The following ALK variants were observed in gnomAD, a reference collection of about 807,000 sequenced individuals.
ALK encodes ALK tyrosine kinase receptor.
ALK carries 74 observed loss-of-function variants against 163.1 expected under a neutral mutation model. The ratio of observed to expected loss-of-function variants is 0.45; its 90% CI spans 0.38 to 0.55. ALK has a LOEUF of 0.55. Ranked by LOEUF, ALK falls within the 20% of genes least tolerant of loss-of-function variation. The pLI, the probability that ALK is intolerant of heterozygous loss-of-function variation, is 0.00. For missense variants in ALK, 2,063 were observed against 2,105.3 expected, an observed-to-expected ratio of 0.98 and a Z score of 0.39; for synonymous variants, 960 against 843.2, an observed-to-expected ratio of 1.14 and a Z score of -2.40.
At chr2:29,236,163 C>T (rs1293827210) in intron 13 of ALK, among the ~76,000 whole-genome samples, 1 of 152,006 alleles carries the variant, frequency 6.6e-6, no homozygotes, top group African/African-American at 2.4e-5. Flanking sequence ...CTTGACAGCT[C>T]TGTTGGAGAT....
At chr2:29,375,543 T>G (rs984299530) in intron 5 of ALK, among the ~76,000 whole-genome samples, 6 of 152,126 alleles carry the variant, frequency 3.9e-5, no homozygotes, top group African/African-American at 1.4e-4. Flanking sequence ...GGTCTTGATC[T>G]CCTGACCTCG....
At chr2:29,786,867 T>C (rs1194567847) in intron 1 of ALK, among the ~76,000 whole-genome samples, 1 of 152,124 alleles carries the variant, frequency 6.6e-6, no homozygotes, top group African/African-American at 2.4e-5. Context: ...TCTTGACTCA[T>C]TGCAACCTCT....
At chr2:29,263,472 A>G (rs1665138755) in intron 11 of ALK, among the ~76,000 whole-genome samples, 1 of 152,176 alleles carries the variant, frequency 6.6e-6, no homozygotes, top group Admixed American at 6.5e-5. Context: ...TTGGAGCTAG[A>G]AAGGTGTCCC....
At chr2:29,228,623 C>G (rs1664085066) in intron 16 of ALK, among the ~76,000 whole-genome samples, 1 of 151,974 alleles carries the variant, frequency 6.6e-6, no homozygotes, top group East Asian at 1.9e-4. Context: ...GCCAAAGCCT[C>G]TTTATCATCG....
intron 4 of ALK, among the ~76,000 whole-genome samples, chr2:29,502,208 C>A (rs763435345): frequency 1.3e-5 from 2 of 152,150 alleles, no homozygotes; most frequent in Non-Finnish European, 2.9e-5. Context: ...CCCTTAGTAA[C>A]GAATTTGAGT....
chr2:29,910,953 G>A (rs956929039), intron 1 of ALK, among the ~76,000 whole-genome samples: 3 of 151,926 alleles, frequency 2.0e-5, no homozygotes, highest in Admixed American at 6.6e-5. Flanking sequence ...CTTTACAACC[G>A]AAATACTCTG....
At chr2:29,778,522 C>G (rs376996913) in intron 1 of ALK, among the ~76,000 whole-genome samples, 2 of 152,046 alleles carry the variant, frequency 1.3e-5, no homozygotes, top group East Asian at 1.9e-4. Context: ...GTGCAGGCAT[C>G]GTGTGTGTAT....
At chr2:29,623,113 G>A (rs4666256) in intron 3 of ALK, among the ~76,000 whole-genome samples, 93,116 of 152,060 alleles carry the variant, frequency 0.61, 29,781 homozygotes, top group East Asian at 0.73. Context: ...CTTTGTGGTG[G>A]AAATATAAAT....
intron 1 of ALK, among the ~76,000 whole-genome samples, chr2:29,778,702 C>T (rs6736716): frequency 0.9 from 137,372 of 152,088 alleles, 62,372 homozygotes; most frequent in Middle Eastern, 0.96. Flanking sequence ...CTAGAAAAGG[C>T]AACACTACAA....
At chr2:29,334,154 TC>T (rs1171411449) in intron 5 of ALK, among the ~76,000 whole-genome samples, 1 of 152,188 alleles carries the variant, frequency 6.6e-6, no homozygotes, top group Non-Finnish European at 1.5e-5. Flanking sequence ...TCCATGAATG[TC>T]CCTTTCCCTT....
intron 15 of ALK, among the ~76,000 whole-genome samples, chr2:29,230,876 T>C (rs1165333809): frequency 6.6e-6 from 1 of 152,082 alleles, no homozygotes; most frequent in Admixed American, 6.5e-5. Context: ...AAGCGCGTAA[T>C]AAATAAATCA....
chr2:29,728,700 T>G (rs1679645130), intron 1 of ALK, among the ~76,000 whole-genome samples: 1 of 152,084 alleles, frequency 6.6e-6, no homozygotes, highest in East Asian at 1.9e-4. Context: ...GGTGGGAGGC[T>G]GGAGAAGGCA....
chr2:29,910,703 G>A (rs1667678467), intron 1 of ALK, among the ~76,000 whole-genome samples: 1 of 152,190 alleles, frequency 6.6e-6, no homozygotes, highest in East Asian at 1.9e-4. Flanking sequence ...TGGAGCAACA[G>A]CATTAAAGTG....
intron 1 of ALK, among the ~76,000 whole-genome samples, chr2:29,720,343 A>G (rs1456605062): frequency 6.6e-6 from 1 of 152,182 alleles, no homozygotes; most frequent in African/African-American, 2.4e-5. Flanking sequence ...CAAAACACCA[A>G]TAACTTGCCA....
chr2:29,259,028 C>A (rs1311149243), intron 11 of ALK, among the ~76,000 whole-genome samples: 1 of 152,124 alleles, frequency 6.6e-6, no homozygotes, highest in Non-Finnish European at 1.5e-5. Flanking sequence ...ATCATGAGTT[C>A]ATATTGATAT....
At chr2:29,482,655 T>G (rs1225374718) in intron 4 of ALK, among the ~76,000 whole-genome samples, 1 of 152,178 alleles carries the variant, frequency 6.6e-6, no homozygotes, top group Non-Finnish European at 1.5e-5. Flanking sequence ...AAGTGAGTAT[T>G]GTTGGTACAA....
At chr2:29,498,660 C>T (rs1672092677) in intron 4 of ALK, among the ~76,000 whole-genome samples, 1 of 152,184 alleles carries the variant, frequency 6.6e-6, no homozygotes, top group Non-Finnish European at 1.5e-5. Context: ...TGCATCTTTG[C>T]TCATTTGCTC....
In ALK at chr2:29,558,679, C is replaced by T. The variant is rs149510620; in HGVS notation, c.953-26563G>A. Reference sequence around the variant, plus strand: ...AGCAGAGTTGGCCTTATTCCCCTTTCCTGTAGCCAAATCTTTGGGTGCAAT... The same window carrying T: ...AGCAGAGTTGGCCTTATTCCCCTTTTCTGTAGCCAAATCTTTGGGTGCAAT... On this transcript the variant is annotated intron_variant, in intron 3 of 28. Transcript: ENST00000389048. 2.5e-3 allele frequency among the ~76,000 whole-genome samples: 377 copies of T among 152,218 alleles called. 2 individuals carry two copies. Among genetic ancestry groups the T allele is most frequent in the Non-Finnish European group, 3.3e-3 (224 of 68,012 alleles).
chr2:29,630,140 G>A (rs1676316789), intron 3 of ALK, among the ~76,000 whole-genome samples: 1 of 152,198 alleles, frequency 6.6e-6, no homozygotes, highest in South Asian at 2.1e-4. Context: ...ATTGGAATAA[G>A]CACGGAGGAG....
Sources: allele counts gnomAD v4.1 joint callset (sites outside exome capture counted in the v4.1 genomes callset), GRCh38; gene constraint gnomAD v4.1.1; transcripts MANE v1.5; gene names NCBI Gene and HGNC (gene_info 2026-07-23, HGNC 2026-07-21).